The following SLC39A14 variants were observed in gnomAD, a reference collection of about 807,000 sequenced individuals.
SLC39A14 encodes solute carrier family 39 member 14, also known as metal cation symporter ZIP14.
In SLC39A14, 19 loss-of-function variants were observed where a neutral mutation model predicts 45.5. The ratio of observed to expected loss-of-function variants is 0.42; its 90% CI spans 0.29 to 0.61. The LOEUF (loss-of-function observed/expected upper bound fraction) is 0.61, where lower values mean the gene tolerates loss of function less well. Among genes scored for constraint, SLC39A14 ranks in the 20% least tolerant of loss-of-function variants. The pLI is 0.22. For missense variants in SLC39A14, 447 were observed against 616.5 expected (o/e 0.73, Z 2.91); for synonymous variants, 264 against 251.3 (o/e 1.05, Z -0.48).
At chr8:22,368,529 TTATTTTATTG>T (rs1469398060) in intron 1 of SLC39A14, among the ~76,000 whole-genome samples, 1,078 of 32,932 alleles carry the variant, frequency 0.033, 21 homozygotes, top group African/African-American at 0.21. Context: ...TTATTTTATT[TTATTTTATTG>T]TATTTTATTT....
rs1000517938 is a variant in SLC39A14, at chr8:22,386,503, G to GT, written c.-15-18192dup. On this transcript the variant is annotated intron_variant, in intron 1 of 8. Transcript: ENST00000381237. ...GCTGGTCTCGAACTTCTGACCTCAG[G>GT]TGATCCACCTGCCTCGGCCTCCCGA... is the stretch of plus-strand genomic sequence containing the variant. 7.7e-4 allele frequency among the ~76,000 whole-genome samples: 118 copies of GT among 152,308 alleles called. 1 individual carries two copies. The highest frequency in any genetic ancestry group is 2.6e-3 in the African/African-American group (107 of 41,588).
At position 22,414,767 on chromosome 8, in the gene SLC39A14, C is replaced by T. The variant is rs887163337; in HGVS notation, c.628-13C>T. 2.1e-5 allele frequency: 34 copies of T among 1,585,322 alleles called. No homozygotes were observed. The highest frequency in any genetic ancestry group is 2.9e-5 in the Non-Finnish European group (34 of 1,173,060). ...TTTTCTTTAAAACTCATTTTCTTTT[C>T]CTGGGTCCACAGGCATTTGGTTTCA... On this transcript the variant is annotated splice_polypyrimidine_tract_variant and intron_variant, in intron 4 of 8. Transcript: ENST00000381237.
At chr8:22,432,989 T>A (rs973034895) in intron 8 of SLC39A14, among the ~76,000 whole-genome samples, 2 of 151,758 alleles carry the variant, frequency 1.3e-5, no homozygotes, top group African/African-American at 4.8e-5. Flanking sequence ...TTGGTAAAGA[T>A]GGGGTCTCCC....
At chr8:22,416,977 T>C (rs935351583) in intron 7 of SLC39A14, among the ~76,000 whole-genome samples, 1 of 152,198 alleles carries the variant, frequency 6.6e-6, no homozygotes, top group Non-Finnish European at 1.5e-5. Context: ...AGCCTGTTAA[T>C]CTTCCAAAGG....
At chr8:22,419,182 T>TTTTTG (rs1339075140) in intron 8 of SLC39A14, among the ~76,000 whole-genome samples, 24 of 152,128 alleles carry the variant, frequency 1.6e-4, no homozygotes, top group African/African-American at 5.8e-4. Context: ...TAATTTTCTT[T>TTTTTG]TTTTGTTTTG....
At position 22,415,835 on chromosome 8, in the gene SLC39A14, G is replaced by T. The variant is rs1299449593; in HGVS notation, c.817G>T (p.Val273Leu). The change falls in exon 6 of 9, where the codon GTG becomes TTG. Residue 273 changes from valine to leucine, a missense_variant. Physicochemically the swap from Val to Leu is conservative, Grantham distance 32. This residue lies in a region of SLC39A14 where 342 missense variants were observed against 428.1 expected (regional missense o/e 0.80). Transcript: ENST00000381237. ...LPSKKDQEEGVMEKLQNGDLD... is the reference protein window; with the variant it reads ...LPSKKDQEEGLMEKLQNGDLD... ...CTCCAAGAAGGACCAGGAGGAGGGG[G>T]TGATGGAGAAGCTGCAGAACGGGGA... is the stretch of plus-strand genomic sequence containing the variant. 6.2e-7 allele frequency: 1 copy of T among 1,613,654 alleles called. No individual in the cohort carries two copies. Among genetic ancestry groups the T allele is most frequent in the Non-Finnish European group, 8.5e-7 (1 of 1,179,924 alleles).
At chr8:22,395,724 G>C (rs1834346573) in intron 1 of SLC39A14, among the ~76,000 whole-genome samples, 1 of 152,148 alleles carries the variant, frequency 6.6e-6, no homozygotes, top group South Asian at 2.1e-4. Flanking sequence ...TTTTAATGAG[G>C]TTATTCCTCC....
intron 1 of SLC39A14, among the ~76,000 whole-genome samples, chr8:22,401,250 C>T (rs1834834132): frequency 1.3e-5 from 2 of 152,212 alleles, no homozygotes; most frequent in South Asian, 2.1e-4. Context: ...AGCCTGCTCT[C>T]AGCCACTCTG....
intron 1 of SLC39A14, among the ~76,000 whole-genome samples, chr8:22,395,667 C>A (rs181846222): frequency 1.3e-5 from 2 of 152,144 alleles, no homozygotes; most frequent in African/African-American, 4.8e-5. Flanking sequence ...TTTGGTCTCA[C>A]GTTGGTTATA....
Position 22,421,884 on chromosome 8 carries a change from A to G in SLC39A14, c.*2186A>G, listed in dbSNP as rs1017962457. 5.4e-5 allele frequency: 53 copies of G among 985,288 alleles called. No individual in the cohort carries two copies. In the African/African-American group the frequency reaches 8.0e-4, roughly 15 times the overall value. The allele number at this position is 985,288 out of a possible 1,614,324, so 61.0% of individuals were successfully genotyped here. On this transcript the variant is annotated 3_prime_UTR_variant, in exon 9 of 9. Coordinates refer to ENST00000381237, the MANE Select transcript of SLC39A14 (RefSeq NM_001128431.4). Reference sequence around the variant, plus strand: ...GTGTTTTCCCTTTTTGTGCACACCTATATTACCTTAAGAAATTTCCTTCCA... The same window carrying G: ...GTGTTTTCCCTTTTTGTGCACACCTGTATTACCTTAAGAAATTTCCTTCCA...
chr8:22,386,095 A>G (rs969832962), intron 1 of SLC39A14, among the ~76,000 whole-genome samples: 2 of 151,794 alleles, frequency 1.3e-5, no homozygotes, highest in Non-Finnish European at 2.9e-5. Flanking sequence ...GTGCACCACT[A>G]CGCCTGGCTA....
intron 8 of SLC39A14, 42 bp downstream of exon 8, chr8:22,417,877 G>C (rs780085746): frequency 6.5e-7 from 1 of 1,542,854 alleles, no homozygotes; most frequent in East Asian, 2.3e-5. Flanking sequence ...GCGGCTAAGG[G>C]GATGGATGTT....
chr8:22,382,482 G>T (rs1026267534), intron 1 of SLC39A14, among the ~76,000 whole-genome samples: 10 of 151,840 alleles, frequency 6.6e-5, no homozygotes, highest in Admixed American at 3.9e-4. Flanking sequence ...AGACTAGCTT[G>T]GGCAATGCAG....
At chr8:22,391,911 G>A (rs940859553) in intron 1 of SLC39A14, among the ~76,000 whole-genome samples, 5 of 152,156 alleles carry the variant, frequency 3.3e-5, no homozygotes, top group South Asian at 2.1e-4. Context: ...GATGCAGGCC[G>A]ACTTCAGTTA....
At chr8:22,388,561 G>A (rs536491808) in intron 1 of SLC39A14, among the ~76,000 whole-genome samples, 36 of 152,022 alleles carry the variant, frequency 2.4e-4, no homozygotes, top group African/African-American at 8.2e-4. Flanking sequence ...GGGGAGGGGC[G>A]GTGATGAAGT....
In SLC39A14 at chr8:22,421,773, A is replaced by G; in HGVS notation, c.*2075A>G. Reference sequence around the variant, plus strand: ...AACATAATACCCTTTGTCTTGGAGTAGAATACTAAGTTAGAGTTAGTGGAT... The same window carrying G: ...AACATAATACCCTTTGTCTTGGAGTGGAATACTAAGTTAGAGTTAGTGGAT... On this transcript the variant is annotated 3_prime_UTR_variant, in exon 9 of 9. Coordinates refer to ENST00000381237, the MANE Select transcript of SLC39A14 (RefSeq NM_001128431.4). 1.0e-6 allele frequency: 1 copy of G among 983,928 alleles called. No homozygotes were observed. Among genetic ancestry groups the G allele is most frequent in the Non-Finnish European group, 1.2e-6 (1 of 828,498 alleles). The allele number at this position is 983,928 out of a possible 1,614,324, so 60.9% of individuals were successfully genotyped here.
intron 8 of SLC39A14, among the ~76,000 whole-genome samples, chr8:22,431,571 G>T (rs1836467507): frequency 6.6e-6 from 1 of 152,172 alleles, no homozygotes; most frequent in South Asian, 2.1e-4. Context: ...TCAAGGTTTA[G>T]GAAGCGCTTA....
Position 22,417,642 on chromosome 8 carries a change from C to G in SLC39A14, c.1148-9C>G, listed in dbSNP as rs115890291. The G allele has an allele frequency of 6.2e-7, 1 of 1,609,854 alleles. No individual in the cohort carries two copies. Among genetic ancestry groups the G allele is most frequent in the East Asian group, 2.2e-5 (1 of 44,618 alleles). On this transcript the variant is annotated splice_polypyrimidine_tract_variant and intron_variant, in intron 7 of 8. Transcript: ENST00000381237. The stretch of plus-strand genomic sequence containing the variant: ...CTCGTCCCTCCCCTTTTCATTCTCG[C>G]TGCTGTAGGAGACTTTGTCATCCTG...
downstream of SLC39A14, among the ~76,000 whole-genome samples, chr8:22,426,418 C>G (rs1365639310): frequency 6.6e-6 from 1 of 152,098 alleles, no homozygotes; most frequent in African/African-American, 2.4e-5. Flanking sequence ...GTCTCGAACT[C>G]CAGGGCTCAA....
Sources: allele counts gnomAD v4.1 joint callset (sites outside exome capture counted in the v4.1 genomes callset), GRCh38; gene constraint gnomAD v4.1.1; regional missense constraint gnomAD v4.1.1; transcripts MANE v1.5; gene names NCBI Gene and HGNC (gene_info 2026-07-23, HGNC 2026-07-21).